The following NRSN1 variants were observed in gnomAD, a reference collection of about 807,000 sequenced individuals.
The protein encoded by NRSN1 is neurensin-1.
Under a neutral mutation model 17.3 loss-of-function variants are expected in NRSN1, and 14 were observed. The ratio of observed to expected loss-of-function variants is 0.81; its 90% CI spans 0.54 to 1.27. The LOEUF (loss-of-function observed/expected upper bound fraction) is 1.27, where lower values mean the gene tolerates loss of function less well. NRSN1 is among the 50% of genes most tolerant of loss of function. The probability of loss-of-function intolerance (pLI) is 0.00; values close to 1 mark genes in which losing one functional copy is unlikely to be tolerated. For synonymous variants in NRSN1, 79 were observed against 94.2 expected (o/e 0.84, Z 0.93); for missense variants, 209 against 235.9 (o/e 0.89, Z 0.75).
At chr6:24,142,190 G>GCTT (rs1034542593) in intron 3 of NRSN1, among the ~76,000 whole-genome samples, 2 of 20,054 alleles carry the variant, frequency 1.0e-4, no homozygotes, top group African/African-American at 2.2e-4. Context: ...ATACAGAACA[G>GCTT]CTTTTTTTTT....
intron 3 of NRSN1, chr6:24,140,967 A>T: frequency 7.2e-7 from 1 of 1,388,178 alleles, no homozygotes; most frequent in Non-Finnish European, 9.4e-7. Flanking sequence ...CAAGAGTGGA[A>T]TCGGAAGTTA....
chr6:24,145,658 G>A lies in NRSN1; in HGVS notation c.300G>A (p.Val100=), dbSNP rs1229678336. Residue 100 remains valine, a synonymous_variant, in exon 4 of 4, where the codon GTG becomes GTA. Coordinates refer to ENST00000378491, the MANE Select transcript of NRSN1 (RefSeq NM_080723.5). The surrounding 1 kb of genome is among the most constrained non-coding windows in gnomAD (Gnocchi z 4.4). Reference sequence around the variant, plus strand: ...CATTTGGCGAAGCCGATTTTGTGGTGGTCGACACACATGCTGTCCAGTTTA... The same window carrying A: ...CATTTGGCGAAGCCGATTTTGTGGTAGTCGACACACATGCTGTCCAGTTTA... The part of the protein sequence containing the change: ...IEAFGEADFV[V]VDTHAVQFNS... 1.2e-6 allele frequency: 2 copies of A among 1,614,112 alleles called. No individual in the cohort carries two copies. The highest frequency in any genetic ancestry group is 1.3e-5 in the African/African-American group (1 of 75,048).
intron 2 of NRSN1, among the ~76,000 whole-genome samples, chr6:24,133,763 G>A (rs1485267254): frequency 6.6e-6 from 1 of 152,190 alleles, no homozygotes; most frequent in East Asian, 1.9e-4. Context: ...TGCAGTTCTA[G>A]TCATTGAGTG....
intron 1 of NRSN1, among the ~76,000 whole-genome samples, chr6:24,126,703 A>G (rs933028283): frequency 6.6e-6 from 1 of 151,634 alleles, no homozygotes; most frequent in Non-Finnish European, 1.5e-5. Flanking sequence ...AGAGTCAAAT[A>G]TATGTATCTA....
chr6:24,143,064 T>G (rs1760241620), intron 3 of NRSN1, among the ~76,000 whole-genome samples: 1 of 152,188 alleles, frequency 6.6e-6, no homozygotes, highest in African/African-American at 2.4e-5. Context: ...TTACAAACCT[T>G]TAGCTAGCCA....
chr6:24,134,127 G>A (rs146697490), intron 2 of NRSN1, among the ~76,000 whole-genome samples, 192 bp from the exon 3 acceptor site: 2 of 152,138 alleles, frequency 1.3e-5, no homozygotes, highest in South Asian at 4.1e-4. Flanking sequence ...GCCTCCCAAA[G>A]TGCTGGGATT....
rs760819862 is a variant in NRSN1 at position 24,145,810 on chromosome 6, A to G, written c.452A>G (p.Gln151Arg). The change falls in exon 4 of 4, where the codon CAG becomes CGG. Residue 151 changes from glutamine to arginine, a missense_variant. Transcript: ENST00000378491. This position sits in a 1 kb window ranked among gnomAD's most constrained non-coding sequence, Gnocchi z 4.4. ...TACTCCAAAGAAGAAAAATTCCTCC[A>G]GCAGAAGTTTAAAGAACGAATCGCA... is the stretch of plus-strand genomic sequence containing the variant. ...KSYSKEEKFL[Q>R]QKFKERIADI... 6.2e-7 allele frequency: 1 copy of G among 1,614,196 alleles called. No individual in the cohort carries two copies.
Position 24,147,038 on chromosome 6 carries a change from G to A in NRSN1, c.*1092G>A, listed in dbSNP as rs184830488. On this transcript the variant is annotated 3_prime_UTR_variant, in exon 4 of 4. Coordinates refer to ENST00000378491, the MANE Select transcript of NRSN1 (RefSeq NM_080723.5). ...TGTTTTTGTGGCTGTCACCATGGTG[G>A]GATTCTTTCAGAATGAGACTCCTGG... is the stretch of plus-strand genomic sequence containing the variant. 6.6e-6 allele frequency: 1 copy of A among 152,108 alleles called. No homozygotes were observed. Among genetic ancestry groups the A allele is most frequent in the Admixed American group, 6.5e-5 (1 of 15,274 alleles). 9.4% of individuals were successfully genotyped at this position (152,108 alleles called of 1,614,324 possible).
chr6:24,145,075 AAT>A lies in NRSN1; in HGVS notation c.190-466_190-465del. On this transcript the variant is annotated intron_variant, in intron 3 of 3. Transcript: ENST00000378491. The surrounding 1 kb of genome is among the most constrained non-coding windows in gnomAD (Gnocchi z 4.4). ...ATATAATATATATCTTTAGGTATATAATATATATTATATATTTTATATATATC... is the reference window on the plus strand; with the variant it reads ...ATATAATATATATCTTTAGGTATATAATATATTATATATTTTATATATATC... Among the ~76,000 whole-genome samples the A allele has an allele frequency of 1.4e-5, 2 of 145,200 alleles. No homozygotes were observed. The highest frequency in any genetic ancestry group is 4.2e-4 in the South Asian group (2 of 4,738).
chr6:24,132,304 A>G (rs543604645), intron 2 of NRSN1, among the ~76,000 whole-genome samples: 2 of 152,326 alleles, frequency 1.3e-5, no homozygotes, highest in East Asian at 3.9e-4. Flanking sequence ...ATTCTATCCA[A>G]TCAAACTAAC....
At chr6:24,134,208 G>T (rs1057263266) in intron 2 of NRSN1, 111 bp from the exon 3 acceptor site, 5 of 845,070 alleles carry the variant, frequency 5.9e-6, no homozygotes, top group Non-Finnish European at 9.2e-6. Context: ...AATGAAAAGA[G>T]CATTGTTCAA....
rs190416119 is a variant in NRSN1, at chr6:24,142,349, C to T, written c.190-3199C>T. 1.9e-3 allele frequency among the ~76,000 whole-genome samples: 290 copies of T among 151,954 alleles called. 2 individuals are homozygous for T. Among genetic ancestry groups the T allele is most frequent in the African/African-American group, 6.8e-3 (280 of 41,476 alleles). The stretch of plus-strand genomic sequence containing the variant: ...AAAGAAATATACAAAATAGTAATGG[C>T]GAAGTATTATGGGCAGAAGAAAAGT... On this transcript the variant is annotated intron_variant, in intron 3 of 3. Transcript: ENST00000378491.
chr6:24,130,309 G>T (rs967369573), intron 2 of NRSN1, among the ~76,000 whole-genome samples: 2 of 152,118 alleles, frequency 1.3e-5, no homozygotes, highest in African/African-American at 4.8e-5. Context: ...TTTAATAACT[G>T]CCCAGTCTTT....
rs778127579 is a variant in NRSN1, at chr6:24,145,768, CG to C, written c.412del (p.Val138CysfsTer3). ...TCCATGGCAGGGTGCCTGCTGATGTCGGTGTTTGTAAAGAGCTACTCCAAAG... is the reference window on the plus strand; with the variant it reads ...TCCATGGCAGGGTGCCTGCTGATGTCGTGTTTGTAAAGAGCTACTCCAAAG... ...GTSMAGCLLM[S>X]VFVKSYSKEE... On this transcript the variant is annotated frameshift_variant, in exon 4 of 4. Transcript: ENST00000378491. LOFTEE classifies it high-confidence loss of function. This position sits in a 1 kb window ranked among gnomAD's most constrained non-coding sequence, Gnocchi z 4.4. 7 of 1,614,020 alleles carry C rather than the reference CG, an allele frequency of 4.3e-6. No homozygotes were observed. The highest frequency in any genetic ancestry group is 5.9e-6 in the Non-Finnish European group (7 of 1,180,032).
intron 2 of NRSN1, among the ~76,000 whole-genome samples, chr6:24,130,667 A>T (rs1418520216): frequency 6.6e-6 from 1 of 152,196 alleles, no homozygotes; most frequent in Non-Finnish European, 1.5e-5. Context: ...TAGTCTACCT[A>T]GTAGCAAGTA....
At chr6:24,140,422 C>A (rs1164780827) in intron 3 of NRSN1, among the ~76,000 whole-genome samples, 1 of 152,168 alleles carries the variant, frequency 6.6e-6, no homozygotes, top group Non-Finnish European at 1.5e-5. Context: ...TCGATTATCG[C>A]CAGGCATCGG....
chr6:24,133,081 T>C (rs1262098167), intron 2 of NRSN1, among the ~76,000 whole-genome samples: 3 of 152,294 alleles, frequency 2.0e-5, no homozygotes, highest in East Asian at 3.8e-4. Flanking sequence ...AAAATCCATA[T>C]AAATGCCTCT....
intron 1 of NRSN1, among the ~76,000 whole-genome samples, chr6:24,127,571 G>A (rs12203186): frequency 0.068 from 10,300 of 152,234 alleles, 496 homozygotes; most frequent in East Asian, 0.17. Context: ...TAGGCAGCTG[G>A]AAAGCAAAAT....
chr6:24,131,349 AC>A (rs1760024734), intron 2 of NRSN1, among the ~76,000 whole-genome samples: 1 of 152,234 alleles, frequency 6.6e-6, no homozygotes, highest in African/African-American at 2.4e-5. Flanking sequence ...CTGGGAAAGA[AC>A]AACTTCAGCA....
Sources: gnomAD v4.1 joint callset for allele counts (sites outside exome capture counted in the v4.1 genomes callset) on GRCh38, gnomAD v4.1.1 for gene constraint, Gnocchi (gnomAD v3.1) non-coding constraint, MANE v1.5 for transcripts, NCBI Gene and HGNC (gene_info 2026-07-23, HGNC 2026-07-21) for gene names.